Variants in NALF1 observed in about 807,000 individuals in gnomAD.
NALF1 encodes the protein family with sequence similarity 155 member A.
In NALF1, 3 loss-of-function variants were observed where a neutral mutation model predicts 48.4. That is an observed-to-expected ratio of 0.06 (90% CI 0.03 to 0.16). The LOEUF (loss-of-function observed/expected upper bound fraction) is 0.16, where lower values mean the gene tolerates loss of function less well. Ranked by LOEUF, NALF1 falls within the 10% of genes least tolerant of loss-of-function variation. The pLI is 1.00. For synonymous variants in NALF1, 262 were observed against 245.7 expected (o/e 1.07, Z -0.62); for missense variants, 526 against 571.5 (o/e 0.92, Z 0.81).
intron 1 of NALF1, among the ~76,000 whole-genome samples, chr13:107,491,068 G>A (rs531620134): frequency 6.6e-6 from 1 of 152,320 alleles, no homozygotes; most frequent in South Asian, 2.1e-4. Flanking sequence ...GTGGATTACA[G>A]CTGGAGGTGT....
chr13:107,405,392 C>G (rs1402610911), intron 1 of NALF1, among the ~76,000 whole-genome samples: 1 of 152,054 alleles, frequency 6.6e-6, no homozygotes, highest in Non-Finnish European at 1.5e-5. Flanking sequence ...GGTGGATGCT[C>G]TCTTTCTACA....
At chr13:107,508,852 C>T (rs1171868671) in intron 1 of NALF1, among the ~76,000 whole-genome samples, 1 of 151,128 alleles carries the variant, frequency 6.6e-6, no homozygotes, top group Non-Finnish European at 1.5e-5. Flanking sequence ...AAAAAAAAAA[C>T]AAAAACAACA....
intron 1 of NALF1, among the ~76,000 whole-genome samples, chr13:107,407,623 G>C (rs1477156135): frequency 6.6e-6 from 1 of 152,094 alleles, no homozygotes; most frequent in Non-Finnish European, 1.5e-5. Context: ...TGCTGGCAAG[G>C]ATGTGGAGAA....
chr13:107,361,868 G>A (rs1266180633), intron 1 of NALF1, among the ~76,000 whole-genome samples: 1 of 152,172 alleles, frequency 6.6e-6, no homozygotes, highest in Non-Finnish European at 1.5e-5. Flanking sequence ...TTAAAGTTAG[G>A]CAAGGCCAGA....
intron 1 of NALF1, among the ~76,000 whole-genome samples, chr13:107,652,019 G>T (rs2138468481): frequency 6.6e-6 from 1 of 152,260 alleles, no homozygotes; most frequent in South Asian, 2.1e-4. Context: ...ATATAAACAT[G>T]TTTAACTCTA....
chr13:107,311,458 A>G (rs1041760639), intron 1 of NALF1, among the ~76,000 whole-genome samples: 6 of 152,102 alleles, frequency 3.9e-5, no homozygotes, highest in Admixed American at 3.9e-4. Context: ...ATTTTTGTAT[A>G]CAGAGGTTTA....
chr13:107,225,031 G>A (rs1880073553), intron 1 of NALF1, among the ~76,000 whole-genome samples: 1 of 151,878 alleles, frequency 6.6e-6, no homozygotes, highest in African/African-American at 2.4e-5. Flanking sequence ...TTTTTGAGAT[G>A]GAGTCTCACT....
chr13:107,225,396 C>T (rs1880081729), intron 1 of NALF1, among the ~76,000 whole-genome samples: 1 of 152,158 alleles, frequency 6.6e-6, no homozygotes, highest in South Asian at 2.1e-4. Flanking sequence ...TCTGCCTCAG[C>T]CTCCTGAGTA....
At chr13:107,540,517 C>A (rs1342942399) in intron 1 of NALF1, among the ~76,000 whole-genome samples, 4 of 152,016 alleles carry the variant, frequency 2.6e-5, no homozygotes, top group African/African-American at 9.7e-5. Flanking sequence ...TATATATGCT[C>A]ACTAGAGGCA....
intron 1 of NALF1, among the ~76,000 whole-genome samples, chr13:107,689,995 C>A (rs1354883578): frequency 6.6e-6 from 1 of 152,124 alleles, no homozygotes. Flanking sequence ...ACAAATTATG[C>A]AAGAAAGTTT....
chr13:107,537,557 T>C (rs1378551532), intron 1 of NALF1, among the ~76,000 whole-genome samples: 1 of 152,118 alleles, frequency 6.6e-6, no homozygotes, highest in Non-Finnish European at 1.5e-5. Flanking sequence ...TCGTCTTATA[T>C]CGGAATGTGA....
chr13:107,202,096 CT>C (rs1395868975), intron 2 of NALF1, among the ~76,000 whole-genome samples: 5 of 152,086 alleles, frequency 3.3e-5, no homozygotes, highest in Non-Finnish European at 2.9e-5. Flanking sequence ...CCTAACTGAA[CT>C]TTTTATTTTC....
chr13:107,776,995 G>C lies in NALF1; in HGVS notation c.915+88687C>G, dbSNP rs897818901. 2.0e-5 allele frequency among the ~76,000 whole-genome samples: 3 copies of C among 152,130 alleles called. No homozygotes were observed. The East Asian group carries it at 5.8e-4, about 30-fold the overall frequency. ...TAGTCCCAGCTGCTTGGGAGACTGAGGGGGGGAAGATGCTTGTGCCCAGGA... is the reference window on the plus strand; with the variant it reads ...TAGTCCCAGCTGCTTGGGAGACTGACGGGGGGAAGATGCTTGTGCCCAGGA... On this transcript the variant is annotated intron_variant, in intron 1 of 2. Transcript: ENST00000375915.
At chr13:107,481,334 C>G (rs571985074) in intron 1 of NALF1, among the ~76,000 whole-genome samples, 1 of 152,226 alleles carries the variant, frequency 6.6e-6, no homozygotes, top group Non-Finnish European at 1.5e-5. Context: ...TATCTTGAAA[C>G]AGTTTGCTAA....
intron 1 of NALF1, among the ~76,000 whole-genome samples, chr13:107,355,556 G>C (rs890111433): frequency 4.6e-5 from 7 of 152,098 alleles, no homozygotes; most frequent in Non-Finnish European, 8.8e-5. Context: ...CGGGGGGTGA[G>C]TGGATCAGGC....
intron 1 of NALF1, among the ~76,000 whole-genome samples, chr13:107,608,873 A>C (rs1879145184): frequency 6.6e-6 from 1 of 152,220 alleles, no homozygotes; most frequent in Admixed American, 6.5e-5. Context: ...GGTGAGGTTA[A>C]GCTAACGATG....
intron 1 of NALF1, among the ~76,000 whole-genome samples, chr13:107,790,436 C>T (rs1878197351): frequency 6.6e-6 from 1 of 152,208 alleles, no homozygotes; most frequent in South Asian, 2.1e-4. Flanking sequence ...ATAGAATAAA[C>T]TATACATTGT....
intron 1 of NALF1, among the ~76,000 whole-genome samples, chr13:107,837,455 C>T (rs4595658): frequency 0.028 from 4,223 of 152,082 alleles, 124 homozygotes; most frequent in African/African-American, 0.073. Flanking sequence ...TGGTCCTTTT[C>T]ATTCATACCA....
At chr13:107,170,837 C>G (rs2138762802) in intron 2 of NALF1, 51 bp from the exon 3 acceptor site, 1 of 1,539,890 alleles carries the variant, frequency 6.5e-7, no homozygotes, top group Middle Eastern at 1.7e-4. Flanking sequence ...ACATTTGCGA[C>G]ATAGTAGAGT....
Sources: gnomAD v4.1 joint callset for allele counts (sites outside exome capture counted in the v4.1 genomes callset) on GRCh38, gnomAD v4.1.1 for gene constraint, MANE v1.5 for transcripts, NCBI Gene and HGNC (gene_info 2026-07-23, HGNC 2026-07-21) for gene names.